Variants in AGK observed in about 807,000 individuals in gnomAD.
AGK encodes the protein acylglycerol kinase, also known as acylglycerol kinase, mitochondrial.
A neutral mutation model predicts 66.4 loss-of-function variants in AGK; 52 were observed. The ratio of observed to expected loss-of-function variants is 0.78; its 90% CI spans 0.63 to 0.99. AGK has a LOEUF of 0.99. Ranked by LOEUF, AGK falls within the 50% of genes least tolerant of loss-of-function variation. The pLI is 0.00. For missense variants in AGK, 451 were observed against 506.6 expected (o/e 0.89, Z 1.05); for synonymous variants, 182 against 181.1 (o/e 1.00, Z -0.04).
In AGK at chr7:141,648,080, G is replaced by A. The variant is rs548173166; in HGVS notation, c.976-1183G>A. 5.9e-5 allele frequency among the ~76,000 whole-genome samples: 9 copies of A among 152,260 alleles called. No individual in the cohort carries two copies. The East Asian group carries it at 9.7e-4, about 16-fold the overall frequency. On this transcript the variant is annotated intron_variant, in intron 13 of 15. Transcript: ENST00000649286. ...AACCACTGCCCTGGGTGGCCACATC[G>A]CCGGCTCCCTCACCTCCTTCAGGCC... is the stretch of plus-strand genomic sequence containing the variant.
At chr7:141,558,518 T>A (rs1795265880) in intron 2 of AGK, among the ~76,000 whole-genome samples, 1 of 152,172 alleles carries the variant, frequency 6.6e-6, no homozygotes, top group African/African-American at 2.4e-5. Flanking sequence ...AGGTATGGTC[T>A]TTACATCTGT....
At chr7:141,565,599 C>T (rs1327738685) in intron 2 of AGK, among the ~76,000 whole-genome samples, 1 of 151,884 alleles carries the variant, frequency 6.6e-6, no homozygotes, top group East Asian at 1.9e-4. Flanking sequence ...TGAGATCGTA[C>T]CACTGCACTG....
intron 2 of AGK, among the ~76,000 whole-genome samples, chr7:141,570,228 A>G (rs1013520637): frequency 4.6e-5 from 7 of 152,084 alleles, no homozygotes; most frequent in African/African-American, 1.7e-4. Context: ...TCTACTAAAA[A>G]TACAACAAAT....
chr7:141,614,961 A>G (rs1453718377), intron 7 of AGK, among the ~76,000 whole-genome samples: 1 of 152,170 alleles, frequency 6.6e-6, no homozygotes, highest in Non-Finnish European at 1.5e-5. Flanking sequence ...TACAGTATCT[A>G]TTGTATGTGT....
rs77673587 is a variant in AGK at position 141,554,338 on chromosome 7, TA to T, written c.-14-1096del. Among the ~76,000 whole-genome samples the T allele has an allele frequency of 6.8e-3, 867 of 126,808 alleles. 3 individuals are homozygous for T. Among genetic ancestry groups the T allele is most frequent in the African/African-American group, 7.2e-3 (250 of 34,706 alleles). 83.2% of individuals were successfully genotyped at this position (126,808 alleles called of 152,430 possible). A position where few individuals can be genotyped will look rare whatever the true frequency, so the allele number is the denominator to read the frequency against. On this transcript the variant is annotated intron_variant, in intron 1 of 15. Coordinates refer to ENST00000649286, the MANE Select transcript of AGK (RefSeq NM_018238.4). ...CTAGGTGACAGAGTGAGACCCTGTC[TA>T]AAAAAAAAAAAAAAAAAATTGTTTT...
chr7:141,632,275 C>T (rs1489675998), intron 9 of AGK, among the ~76,000 whole-genome samples: 2 of 151,816 alleles, frequency 1.3e-5, no homozygotes, highest in Non-Finnish European at 2.9e-5. Flanking sequence ...TAAAAATCCT[C>T]CTTACCCTCA....
chr7:141,594,677 G>A (rs1796192757), intron 3 of AGK, among the ~76,000 whole-genome samples: 1 of 150,818 alleles, frequency 6.6e-6, no homozygotes, highest in African/African-American at 2.4e-5. Flanking sequence ...TTTTTTAGAC[G>A]AGTCTCGCCC....
At chr7:141,559,283 T>C (rs1276205830) in intron 2 of AGK, among the ~76,000 whole-genome samples, 1 of 152,004 alleles carries the variant, frequency 6.6e-6, no homozygotes, top group Admixed American at 6.6e-5. Context: ...TTTGAGTTAA[T>C]TTTTTTTATA....
In AGK at chr7:141,555,644, C is replaced by G; in HGVS notation, c.101+77C>G. ...CAAAGGGCCTCAGGTTAAAATCTTG[C>G]TCAGCTGTGCTTATCCCTATAAAAC... is the stretch of plus-strand genomic sequence containing the variant. On this transcript the variant is annotated intron_variant, in intron 2 of 15. Transcript: ENST00000649286. The surrounding 1 kb of genome is among the most constrained non-coding windows in gnomAD (Gnocchi z 4.2). 9.6e-7 allele frequency: 1 copy of G among 1,046,054 alleles called. No individual in the cohort carries two copies. Among genetic ancestry groups the G allele is most frequent in the South Asian group, 1.4e-5 (1 of 72,058 alleles). The allele number at this position is 1,046,054 out of a possible 1,614,324, so 64.8% of individuals were successfully genotyped here. A position where few individuals can be genotyped will look rare whatever the true frequency, so the allele number is the denominator to read the frequency against.
chr7:141,645,845 A>G (rs1246282893), intron 13 of AGK, among the ~76,000 whole-genome samples: 1 of 152,180 alleles, frequency 6.6e-6, no homozygotes, highest in Non-Finnish European at 1.5e-5. Context: ...AAATGAATTG[A>G]TTTTTGAATG....
Position 141,564,011 on chromosome 7 carries a change from A to G in AGK, c.101+8444A>G, listed in dbSNP as rs75010305. ...GATCTCGCTCTGTCACCCAGGCTGG[A>G]GTGCAGTGGTGTGATCATAACTCAC... On this transcript the variant is annotated intron_variant, in intron 2 of 15. Coordinates refer to ENST00000649286, the MANE Select transcript of AGK (RefSeq NM_018238.4). Among the ~76,000 whole-genome samples, 6 of 152,140 alleles carry G rather than the reference A, an allele frequency of 3.9e-5. No homozygotes were observed. The East Asian group carries it at 1.2e-3, about 29-fold the overall frequency.
intron 4 of AGK, chr7:141,596,995 C>A (rs963407940): frequency 5.1e-6 from 1 of 194,512 alleles, no homozygotes; most frequent in Non-Finnish European, 1.1e-5. Flanking sequence ...GCCAAGAATA[C>A]TGTGGGCTTG....
chr7:141,588,687 C>T (rs1796044205), intron 2 of AGK, among the ~76,000 whole-genome samples: 1 of 151,878 alleles, frequency 6.6e-6, no homozygotes, highest in Non-Finnish European at 1.5e-5. Flanking sequence ...GCATGGACCA[C>T]TCAGGTGCTT....
intron 3 of AGK, chr7:141,593,926 C>T (rs1796175833): frequency 6.5e-6 from 1 of 153,478 alleles, no homozygotes; most frequent in Non-Finnish European, 1.4e-5. Flanking sequence ...ATGTTTGTTT[C>T]TGAAATGTTT....
intron 14 of AGK, among the ~76,000 whole-genome samples, chr7:141,650,919 G>A (rs557612175): frequency 3.4e-4 from 52 of 152,274 alleles, no homozygotes; most frequent in African/African-American, 1.2e-3. Flanking sequence ...TCAATATAAT[G>A]TAAATGCTAT....
At chr7:141,635,062 C>G (rs1797141096) in intron 10 of AGK, among the ~76,000 whole-genome samples, 1 of 152,188 alleles carries the variant, frequency 6.6e-6, no homozygotes, top group Admixed American at 6.5e-5. Context: ...CCAAGAGAAA[C>G]TGCTTAGCTT....
At chr7:141,652,405 T>C (rs1035456500) in intron 15 of AGK, 1 of 159,768 alleles carries the variant, frequency 6.3e-6, no homozygotes, top group African/African-American at 2.4e-5. Context: ...GCTGTCTTTA[T>C]TTTTATTTGA....
At chr7:141,559,814 T>A (rs988970342) in intron 2 of AGK, among the ~76,000 whole-genome samples, 9 of 152,210 alleles carry the variant, frequency 5.9e-5, no homozygotes, top group Admixed American at 6.5e-5. Context: ...CTTGCTTAAG[T>A]TTATTCCTAA....
rs558424181 is a variant in AGK at position 141,623,334 on chromosome 7, G to A, written c.588+1533G>A. 3.0e-3 allele frequency among the ~76,000 whole-genome samples: 454 copies of A among 149,216 alleles called. 1 individual carries two copies. The highest frequency in any genetic ancestry group is 4.4e-3 in the Non-Finnish European group (297 of 67,674). On this transcript the variant is annotated intron_variant, in intron 9 of 15. Coordinates refer to ENST00000649286, the MANE Select transcript of AGK (RefSeq NM_018238.4). Reference sequence around the variant, plus strand: ...GCAGAGGTTGCGGTGAGCCGAGATCGCGCCATTGCACTCCAGCCTGGGTAA... The same window carrying A: ...GCAGAGGTTGCGGTGAGCCGAGATCACGCCATTGCACTCCAGCCTGGGTAA...
Sources: allele counts gnomAD v4.1 joint callset (sites outside exome capture counted in the v4.1 genomes callset), GRCh38; gene constraint gnomAD v4.1.1; non-coding constraint Gnocchi (gnomAD v3.1); transcripts MANE v1.5; gene names NCBI Gene and HGNC (gene_info 2026-07-23, HGNC 2026-07-21).